TASP1: variants seen among roughly 807,000 people sequenced by gnomAD.
The protein encoded by TASP1 is threonine aspartase 1.
In TASP1, 16 loss-of-function variants were observed where a neutral mutation model predicts 56.6. That is an observed-to-expected ratio of 0.28 (90% confidence interval 0.19 to 0.43). The LOEUF is 0.43. Among genes scored for constraint, TASP1 ranks in the 20% least tolerant of loss-of-function variants. The pLI is 1.00. For synonymous variants in TASP1, 179 were observed against 184.2 expected, an observed-to-expected ratio of 0.97 and a Z score of 0.23; for missense variants, 393 against 511.6, an observed-to-expected ratio of 0.77 and a Z score of 2.24.
At chr20:13,626,064 G>T (rs2048875910) in intron 2 of TASP1, among the ~76,000 whole-genome samples, 1 of 152,166 alleles carries the variant, frequency 6.6e-6, no homozygotes, top group Non-Finnish European at 1.5e-5. Flanking sequence ...CATTAATGGA[G>T]CACTGAACCA....
At chr20:13,570,225 T>C (rs1189079483) in intron 6 of TASP1, among the ~76,000 whole-genome samples, 4 of 152,124 alleles carry the variant, frequency 2.6e-5, no homozygotes, top group Admixed American at 1.3e-4. Context: ...AAGACTTGTT[T>C]TCAAAGATTT....
the TASP1 span, among the ~76,000 whole-genome samples, chr20:13,338,010 AAAG>A: frequency 6.6e-6 from 1 of 152,236 alleles, no homozygotes; most frequent in African/African-American, 2.4e-5. Flanking sequence ...GATCTTGTGC[AAAG>A]AAGAATTCGA....
At chr20:13,350,000 C>T in the TASP1 span, among the ~76,000 whole-genome samples, 2 of 151,962 alleles carry the variant, frequency 1.3e-5, no homozygotes, top group Non-Finnish European at 2.9e-5. Flanking sequence ...GAAATTTAAA[C>T]ATTAGCCAGG....
At chr20:13,447,324 GTTTC>G (rs565795774) in intron 11 of TASP1, among the ~76,000 whole-genome samples, 5 of 152,198 alleles carry the variant, frequency 3.3e-5, no homozygotes, top group South Asian at 4.2e-4. Flanking sequence ...AGCCATTTGT[GTTTC>G]TTTATCTGTG....
intron 10 of TASP1, among the ~76,000 whole-genome samples, chr20:13,485,664 T>C (rs1451992722): frequency 1.3e-5 from 2 of 152,188 alleles, no homozygotes; most frequent in African/African-American, 4.8e-5. Flanking sequence ...TTTGCAATAT[T>C]GTTTTTATAA....
the TASP1 span, among the ~76,000 whole-genome samples, chr20:13,133,291 G>A: frequency 6.6e-6 from 1 of 152,094 alleles, no homozygotes; most frequent in Non-Finnish European, 1.5e-5. Context: ...TGCATGACAT[G>A]CTTGCTGCAT....
intron 8 of TASP1, among the ~76,000 whole-genome samples, chr20:13,542,345 T>C (rs2045655560): frequency 6.6e-6 from 1 of 152,206 alleles, no homozygotes; most frequent in South Asian, 2.1e-4. Flanking sequence ...ACAATATTTC[T>C]AAATTTGTAT....
chr20:13,500,532 T>C (rs2043907084), intron 10 of TASP1, among the ~76,000 whole-genome samples: 1 of 151,408 alleles, frequency 6.6e-6, no homozygotes, highest in African/African-American at 2.4e-5. Context: ...TTTATGTAAG[T>C]GAAAAAAATA....
intron 7 of TASP1, among the ~76,000 whole-genome samples, chr20:13,565,750 C>T (rs2046506181): frequency 6.6e-6 from 1 of 152,110 alleles, no homozygotes; most frequent in African/African-American, 2.4e-5. Flanking sequence ...GTTGATAGAA[C>T]ATGAAATGGT....
intron 11 of TASP1, among the ~76,000 whole-genome samples, chr20:13,442,711 T>A (rs1382431640): frequency 6.7e-6 from 1 of 150,218 alleles, no homozygotes; most frequent in African/African-American, 2.5e-5. Flanking sequence ...ATAAGTGCTA[T>A]GAAAGAGAGC....
the TASP1 span, among the ~76,000 whole-genome samples, chr20:13,324,307 G>C: frequency 6.6e-6 from 1 of 152,194 alleles, no homozygotes; most frequent in Non-Finnish European, 1.5e-5. Flanking sequence ...AATTCACAGA[G>C]AGTTGTAGGG....
the TASP1 span, among the ~76,000 whole-genome samples, chr20:13,318,446 TTACC>T: frequency 2.0e-5 from 3 of 152,316 alleles, no homozygotes; most frequent in East Asian, 5.8e-4. Flanking sequence ...AAACGTACGC[TTACC>T]ATAGGATCCA....
intron 11 of TASP1, among the ~76,000 whole-genome samples, chr20:13,447,723 A>C (rs2043462529): frequency 6.6e-6 from 1 of 152,122 alleles, no homozygotes; most frequent in East Asian, 1.9e-4. Flanking sequence ...TTATGTGAGA[A>C]AATAAAAGCC....
the TASP1 span, chr20:13,270,830 C>T: frequency 2.0e-5 from 26 of 1,290,006 alleles, no homozygotes; most frequent in Admixed American, 5.1e-4. Context: ...GCTGCCTTAC[C>T]TCACTTTTCT....
intron 4 of TASP1, among the ~76,000 whole-genome samples, 183 bp from the exon 5 acceptor site, chr20:13,587,553 T>C (rs2047352972): frequency 6.6e-6 from 1 of 151,346 alleles, no homozygotes; most frequent in South Asian, 2.1e-4. Context: ...CAGATCAATA[T>C]ACTTTGTAAA....
At chr20:13,449,589 C>A (rs2146284297) in intron 11 of TASP1, among the ~76,000 whole-genome samples, 1 of 152,232 alleles carries the variant, frequency 6.6e-6, no homozygotes, top group Non-Finnish European at 1.5e-5. Flanking sequence ...TGGCTTTGCA[C>A]AGCTGCTGTG....
chr20:13,536,856 T>A (rs1021868303), intron 8 of TASP1, among the ~76,000 whole-genome samples: 3 of 151,834 alleles, frequency 2.0e-5, no homozygotes, highest in African/African-American at 7.2e-5. Context: ...AAATATTATA[T>A]ATATTTATGG....
intron 13 of TASP1, among the ~76,000 whole-genome samples, chr20:13,397,730 T>C (rs1057476841): frequency 6.6e-6 from 1 of 152,192 alleles, no homozygotes; most frequent in African/African-American, 2.4e-5. Context: ...TGTTGATAGA[T>C]TGGATAGTTT....
In TASP1 at chr20:13,410,685, A is replaced by T. The variant is rs541408349; in HGVS notation, c.1170+6763T>A. Among the ~76,000 whole-genome samples the T allele has an allele frequency of 3.5e-4, 53 of 151,774 alleles. No individual in the cohort carries two copies. The South Asian group carries it at 0.01, about 29-fold the overall frequency. The stretch of plus-strand genomic sequence containing the variant: ...ACTTTTTAATGGGATCTTTTTTTTT[A>T]AACATTGAGTTGTTTGAGTTCTTGT... On this transcript the variant is annotated intron_variant, in intron 13 of 13. Coordinates refer to ENST00000337743, the MANE Select transcript of TASP1 (RefSeq NM_017714.3).
Sources: allele counts gnomAD v4.1 joint callset (sites outside exome capture counted in the v4.1 genomes callset), GRCh38; gene constraint gnomAD v4.1.1; transcripts MANE v1.5; gene names NCBI Gene and HGNC (gene_info 2026-07-23, HGNC 2026-07-21).